Variants in FBXL4 observed in about 807,000 individuals in gnomAD.
The protein encoded by FBXL4 is F-box and leucine rich repeat protein 4.
FBXL4 carries 40 observed loss-of-function variants against 58.9 expected under a neutral mutation model. The observed-to-expected ratio is 0.68, with a 90% confidence interval of 0.53 to 0.88. The LOEUF is 0.88. Among genes scored for constraint, FBXL4 ranks in the 40% least tolerant of loss-of-function variants. FBXL4 has a pLI of 0.00. For synonymous variants in FBXL4, 263 were observed against 265.5 expected, an observed-to-expected ratio of 0.99 and a Z score of 0.09; for missense variants, 676 against 734.4, an observed-to-expected ratio of 0.92 and a Z score of 0.92.
chr6:98,898,232 C>G (rs1299904553), intron 7 of FBXL4: 1 of 950,052 alleles, frequency 1.1e-6, no homozygotes, highest in Non-Finnish European at 1.3e-6. Context: ...AAGCCCTGAG[C>G]TGGGACCAGG....
intron 4 of FBXL4, among the ~76,000 whole-genome samples, chr6:98,919,054 A>G (rs1772481600): frequency 6.6e-6 from 1 of 151,708 alleles, no homozygotes; most frequent in East Asian, 1.9e-4. Flanking sequence ...AACTGAAAGA[A>G]AAAAAAAATG....
intron 5 of FBXL4, among the ~76,000 whole-genome samples, chr6:98,913,647 C>G (rs1322177097): frequency 2.0e-5 from 3 of 152,194 alleles, no homozygotes; most frequent in Non-Finnish European, 4.4e-5. Context: ...ACCAGAATCT[C>G]TGGGATGCAT....
intron 2 of FBXL4, among the ~76,000 whole-genome samples, chr6:98,932,591 T>C (rs1773053714): frequency 6.6e-6 from 1 of 152,108 alleles, no homozygotes; most frequent in African/African-American, 2.4e-5. Context: ...AGAAGCAGGA[T>C]GGCAGGAGCT....
intron 7 of FBXL4, chr6:98,898,493 T>C (rs1435755854): frequency 2.1e-5 from 20 of 938,096 alleles, no homozygotes; most frequent in Non-Finnish European, 2.4e-5. Flanking sequence ...TAATCCCAGA[T>C]ACTCAGGAGG....
At chr6:98,877,464 G>A (rs956720708) in intron 8 of FBXL4, among the ~76,000 whole-genome samples, 1 of 152,120 alleles carries the variant, frequency 6.6e-6, no homozygotes, top group Non-Finnish European at 1.5e-5. Flanking sequence ...TTTTGTTGTT[G>A]TTGTGAAATT....
rs1164622311 is a variant in FBXL4 at position 98,869,042 on chromosome 6, C to T, written c.*5236G>A. 6.6e-6 allele frequency: 1 copy of T among 152,064 alleles called. No individual in the cohort carries two copies. Among genetic ancestry groups the T allele is most frequent in the Non-Finnish European group, 1.5e-5 (1 of 68,022 alleles). The allele number at this position is 152,064 out of a possible 1,614,324, so 9.4% of individuals were successfully genotyped here. On this transcript the variant is annotated 3_prime_UTR_variant, in exon 10 of 10. Transcript: ENST00000369244. ...CAAATGACTCTTAACAGAATGTGAG[C>T]TATTGCCAAAAAAATGATTCTAACA...
intron 4 of FBXL4, among the ~76,000 whole-genome samples, chr6:98,923,340 T>C (rs908671327): frequency 1.3e-5 from 2 of 152,128 alleles, no homozygotes; most frequent in Non-Finnish European, 2.9e-5. Flanking sequence ...CCTCAAGATA[T>C]TCTTCTGGGA....
intron 7 of FBXL4, among the ~76,000 whole-genome samples, chr6:98,887,963 T>A (rs1380393318): frequency 3.9e-5 from 6 of 152,250 alleles, no homozygotes; most frequent in Admixed American, 6.5e-5. Context: ...GGAATCAGTT[T>A]ACAATGTCTT....
At chr6:98,926,450 C>CTTAGGTCA in intron 4 of FBXL4, 27 bp downstream of exon 4, 1 of 1,568,566 alleles carries the variant, frequency 6.4e-7, no homozygotes, top group Non-Finnish European at 8.6e-7. Flanking sequence ...TACCATATAA[C>CTTAGGTCA]TTAGGTCATT....
At position 98,929,571 on chromosome 6, in the gene FBXL4, C is replaced by CAA. The variant is rs1169039097; in HGVS notation, c.-190-1751_-190-1750dup. Among the ~76,000 whole-genome samples, 523 of 90,688 alleles carry CAA rather than the reference C, an allele frequency of 5.8e-3. 3 individuals carry two copies. Among genetic ancestry groups the CAA allele is most frequent in the African/African-American group, 0.017 (435 of 25,842 alleles). The allele number at this position is 90,688 out of a possible 152,430, so 59.5% of individuals were successfully genotyped here. On this transcript the variant is annotated intron_variant, in intron 2 of 9. Transcript: ENST00000369244. ...GGGCAACAAGAGAAAAACTCCGTCT[C>CAA]AAAAAAAAAAAAAAAAGAAAGAAAG...
At chr6:98,914,706 T>A (rs1006424781) in intron 5 of FBXL4, among the ~76,000 whole-genome samples, 3 of 152,106 alleles carry the variant, frequency 2.0e-5, no homozygotes, top group South Asian at 2.1e-4. Flanking sequence ...ACCCACAGCC[T>A]ATATCATACT....
intron 7 of FBXL4, among the ~76,000 whole-genome samples, chr6:98,887,466 G>A (rs1771078598): frequency 6.6e-6 from 1 of 152,084 alleles, no homozygotes; most frequent in African/African-American, 2.4e-5. Flanking sequence ...AATTATATAT[G>A]TCTAGAAAAC....
At chr6:98,906,424 T>C (rs186150949) in intron 5 of FBXL4, among the ~76,000 whole-genome samples, 303 of 152,082 alleles carry the variant, frequency 2.0e-3, no homozygotes, top group African/African-American at 6.8e-3. Flanking sequence ...ATGCGGTGCT[T>C]GGTTGTCTGT....
At chr6:98,903,868 T>C (rs1301473927) in intron 6 of FBXL4, among the ~76,000 whole-genome samples, 1 of 152,184 alleles carries the variant, frequency 6.6e-6, no homozygotes, top group Non-Finnish European at 1.5e-5. Flanking sequence ...TATGTTTATA[T>C]GTTTATCTTA....
At chr6:98,885,097 A>G (rs892274905) in intron 7 of FBXL4, among the ~76,000 whole-genome samples, 3 of 152,262 alleles carry the variant, frequency 2.0e-5, no homozygotes, top group South Asian at 4.1e-4. Flanking sequence ...TTAGTTAAAC[A>G]TAATTCTGGG....
chr6:98,878,498 T>C (rs1309163822), intron 8 of FBXL4, among the ~76,000 whole-genome samples: 2 of 152,140 alleles, frequency 1.3e-5, no homozygotes, highest in Middle Eastern at 6.8e-3. Context: ...TGAGCAACCA[T>C]ACCTGGCTTC....
At chr6:98,946,730 A>G (rs1773632250) in intron 1 of FBXL4, among the ~76,000 whole-genome samples, 1 of 152,226 alleles carries the variant, frequency 6.6e-6, no homozygotes, top group Admixed American at 6.5e-5. Context: ...GTTAGTACTC[A>G]GAACATAAGT....
rs1582375273 is a variant in FBXL4 at position 98,885,765 on chromosome 6, TATC to T, written c.1318-5144_1318-5142del. ...CAGATTTTGAGACTTGCCAGCCTCA[TATC>T]ATGTCAGCCAATTCCTTATAATAAA... On this transcript the variant is annotated intron_variant, in intron 7 of 9. Transcript: ENST00000369244. Among the ~76,000 whole-genome samples the T allele has an allele frequency of 2.0e-5, 3 of 152,342 alleles. No homozygotes were observed. In the East Asian group the frequency reaches 5.8e-4, roughly 29 times the overall value.
chr6:98,924,317 G>A (rs1048318606), intron 4 of FBXL4, among the ~76,000 whole-genome samples: 2 of 152,146 alleles, frequency 1.3e-5, no homozygotes, highest in Non-Finnish European at 1.5e-5. Flanking sequence ...AGCACTTTGG[G>A]AGGCCGAGGC....
Sources: gnomAD v4.1 joint callset for allele counts (sites outside exome capture counted in the v4.1 genomes callset) on GRCh38, gnomAD v4.1.1 for gene constraint, MANE v1.5 for transcripts, NCBI Gene and HGNC (gene_info 2026-07-23, HGNC 2026-07-21) for gene names.